The following PLCE1 variants were observed in gnomAD, a reference collection of about 807,000 sequenced individuals.
PLCE1 encodes 1-phosphatidylinositol 4,5-bisphosphate phosphodiesterase epsilon-1.
Under a neutral mutation model 242.8 loss-of-function variants are expected in PLCE1, and 119 were observed. The observed-to-expected ratio is 0.49, with a 90% CI of 0.42 to 0.57. The LOEUF (loss-of-function observed/expected upper bound fraction) is 0.57, where lower values mean the gene tolerates loss of function less well. Ranked by LOEUF, PLCE1 falls within the 20% of genes least tolerant of loss-of-function variation. PLCE1 has a pLI of 0.00. For missense variants in PLCE1, 2,441 were observed against 2,788.8 expected, an observed-to-expected ratio of 0.88 and a Z score of 2.81; for synonymous variants, 945 against 1,017.4, an observed-to-expected ratio of 0.93 and a Z score of 1.35.
intron 2 of PLCE1, among the ~76,000 whole-genome samples, chr10:94,096,025 C>T (rs1202713006): frequency 6.6e-6 from 1 of 152,148 alleles, no homozygotes; most frequent in Non-Finnish European, 1.5e-5. Flanking sequence ...TTGTGATCTA[C>T]ATACATCCTT....
intron 3 of PLCE1, among the ~76,000 whole-genome samples, chr10:94,147,237 C>T (rs2136075126): frequency 6.6e-6 from 1 of 152,168 alleles, no homozygotes; most frequent in Admixed American, 6.5e-5. Flanking sequence ...GCCTGGCCAA[C>T]ATGGGGAAAC....
At chr10:94,323,843 T>C (rs2053912052) in intron 30 of PLCE1, among the ~76,000 whole-genome samples, 1 of 152,204 alleles carries the variant, frequency 6.6e-6, no homozygotes, top group Non-Finnish European at 1.5e-5. Flanking sequence ...AATTAACAAA[T>C]GCATCAATGA....
intron 4 of PLCE1, among the ~76,000 whole-genome samples, chr10:94,203,915 GT>G (rs34210888): frequency 0.68 from 103,801 of 151,666 alleles, 36,994 homozygotes; most frequent in South Asian, 0.81. Flanking sequence ...GAACCCTCAG[GT>G]TTTAGTCTGA....
intron 2 of PLCE1, among the ~76,000 whole-genome samples, chr10:94,063,280 A>AG (rs2044110531): frequency 1.3e-5 from 2 of 152,166 alleles, no homozygotes; most frequent in African/African-American, 4.8e-5. Context: ...TCTGTGGGAA[A>AG]GGGGGGAATT....
chr10:94,157,044 A>T (rs2047455431), intron 3 of PLCE1, among the ~76,000 whole-genome samples: 3 of 152,048 alleles, frequency 2.0e-5, no homozygotes, highest in African/African-American at 7.2e-5. Flanking sequence ...TGGGGGATTC[A>T]TTAGTACAGT....
rs72217756 is a variant in PLCE1, at chr10:94,262,001, C to CTTT, written c.3815-478_3815-476dup. On this transcript the variant is annotated intron_variant, in intron 13 of 32. Coordinates refer to ENST00000371380, the MANE Select transcript of PLCE1 (RefSeq NM_016341.4). ...ATCAACCTAGCTCTGTCTTCTTTTC[C>CTTT]TTTTTTTTTTTTTTTTTGAGACAGA... Among the ~76,000 whole-genome samples, 410 of 135,254 alleles carry CTTT rather than the reference C, an allele frequency of 3.0e-3. 5 individuals carry two copies. The South Asian group carries it at 0.038, about 12-fold the overall frequency. 88.7% of individuals were successfully genotyped at this position (135,254 alleles called of 152,430 possible).
chr10:94,203,114 AT>A (rs2049034526), intron 4 of PLCE1, among the ~76,000 whole-genome samples: 1 of 152,190 alleles, frequency 6.6e-6, no homozygotes, highest in African/African-American at 2.4e-5. Flanking sequence ...AATTTACAGG[AT>A]TTGGAAAACT....
chr10:94,297,589 G>A (rs1170946091), intron 23 of PLCE1, among the ~76,000 whole-genome samples: 1 of 23,626 alleles, frequency 4.2e-5, no homozygotes. Flanking sequence ...CTTTAAATTT[G>A]TAAAAAAAAA....
chr10:94,191,357 G>A lies in PLCE1; in HGVS notation c.1809+19861G>A, dbSNP rs958252767. On this transcript the variant is annotated intron_variant, in intron 4 of 32. Transcript: ENST00000371380. Reference sequence around the variant, plus strand: ...TACAACAGTAGTTAAAGAAACTTGGGCTGGACGGGCACAGGCGCTCATGTC... The same window carrying A: ...TACAACAGTAGTTAAAGAAACTTGGACTGGACGGGCACAGGCGCTCATGTC... 5.3e-5 allele frequency among the ~76,000 whole-genome samples: 8 copies of A among 152,118 alleles called. 1 individual carries two copies. The highest frequency in any genetic ancestry group is 1.0e-4 in the Non-Finnish European group (7 of 68,022).
intron 4 of PLCE1, among the ~76,000 whole-genome samples, chr10:94,214,997 T>A (rs2049470842): frequency 6.6e-6 from 1 of 152,162 alleles, no homozygotes; most frequent in Admixed American, 6.5e-5. Context: ...CCAGTGCAGA[T>A]GAGAAACCCA....
chr10:94,262,412 A>G, intron 13 of PLCE1, 82 bp from the exon 14 acceptor site: 2 of 914,620 alleles, frequency 2.2e-6, no homozygotes, highest in Middle Eastern at 3.1e-4. Context: ...CCATTTTAAT[A>G]ACTCCACACC....
chr10:94,249,063 C>G (rs535688527), intron 8 of PLCE1, among the ~76,000 whole-genome samples: 1 of 152,242 alleles, frequency 6.6e-6, no homozygotes, highest in East Asian at 1.9e-4. Context: ...CCCACCACCC[C>G]TGCACAGAAC....
At position 94,097,373 on chromosome 10, in the gene PLCE1, GA is replaced by G. The variant is rs1209972866; in HGVS notation, c.1207-34795del. On this transcript the variant is annotated intron_variant, in intron 2 of 32. Transcript: ENST00000371380. ...CACCACACAGGCACACATCAAGGGG[GA>G]AAAAATGATTTTTTTCACAGAATTT... is the stretch of plus-strand genomic sequence containing the variant. Among the ~76,000 whole-genome samples, 6 of 152,112 alleles carry G rather than the reference GA, an allele frequency of 3.9e-5. No homozygotes were observed. In the East Asian group the frequency reaches 5.8e-4, roughly 15 times the overall value.
intron 4 of PLCE1, among the ~76,000 whole-genome samples, chr10:94,217,111 C>T (rs1237442780): frequency 2.0e-5 from 3 of 151,400 alleles, no homozygotes; most frequent in Non-Finnish European, 4.4e-5. Context: ...TGATTTGGCT[C>T]ATTCCTACTT....
chr10:94,059,050 C>T (rs777241267), intron 2 of PLCE1, among the ~76,000 whole-genome samples: 7 of 152,054 alleles, frequency 4.6e-5, no homozygotes, highest in African/African-American at 9.7e-5. Context: ...ATGTCAGACC[C>T]ACAAAGTTGG....
intron 3 of PLCE1, among the ~76,000 whole-genome samples, chr10:94,164,991 TG>T (rs925764738): frequency 2.6e-5 from 4 of 152,190 alleles, no homozygotes; most frequent in African/African-American, 9.6e-5. Context: ...ATCTTTCCTC[TG>T]GAAGTTTTGT....
intron 1 of PLCE1, among the ~76,000 whole-genome samples, chr10:94,027,488 G>A (rs1367145211): frequency 6.6e-6 from 1 of 152,176 alleles, no homozygotes; most frequent in Non-Finnish European, 1.5e-5. Flanking sequence ...TTCGATGTCT[G>A]TGTATATCCT....
rs1189202031 is a variant in PLCE1, at chr10:94,218,999, A to G, written c.1810-8307A>G. ...TAATTATAGTTATATATAAATAATT[A>G]TTAATTGTTAATTTTATGTATAATT... On this transcript the variant is annotated intron_variant, in intron 4 of 32. Transcript: ENST00000371380. Among the ~76,000 whole-genome samples the G allele has an allele frequency of 2.8e-5, 4 of 143,604 alleles. No individual in the cohort carries two copies. The East Asian group carries it at 7.8e-4, about 28-fold the overall frequency. The allele number at this position is 143,604 out of a possible 152,430, so 94.2% of individuals were successfully genotyped here. A position where few individuals can be genotyped will look rare whatever the true frequency, so the allele number is the denominator to read the frequency against.
chr10:94,032,293 CTT>C, intron 2 of PLCE1, 41 bp downstream of exon 2: 1 of 1,578,378 alleles, frequency 6.3e-7, no homozygotes, highest in Non-Finnish European at 8.7e-7. Context: ...TTTAAACTTG[CTT>C]TTTTTTTCAA....
Sources: allele counts gnomAD v4.1 joint callset (sites outside exome capture counted in the v4.1 genomes callset), GRCh38; gene constraint gnomAD v4.1.1; transcripts MANE v1.5; gene names NCBI Gene and HGNC (gene_info 2026-07-23, HGNC 2026-07-21).